UMAD1: variants seen among roughly 807,000 people sequenced by gnomAD.
UMAD1 encodes the protein UBAP1-MVB12-associated (UMA)-domain containing protein 1.
A neutral mutation model predicts 6.1 loss-of-function variants in UMAD1; 8 were observed. The ratio of observed to expected loss-of-function variants is 1.30; its 90% CI spans 0.76 to 2.35. The LOEUF (loss-of-function observed/expected upper bound fraction) is 2.35, where lower values mean the gene tolerates loss of function less well. Among genes scored for constraint, UMAD1 ranks in the 30% most tolerant of loss-of-function variants. The pLI is 0.00. For synonymous variants in UMAD1, 56 were observed against 31.4 expected, an observed-to-expected ratio of 1.78 and a Z score of -2.61; for missense variants, 130 against 78.4, an observed-to-expected ratio of 1.66 and a Z score of -2.49.
intron 2 of UMAD1, among the ~76,000 whole-genome samples, chr7:7,784,849 C>G (rs750763567): frequency 6.8e-6 from 1 of 147,934 alleles, no homozygotes; most frequent in Non-Finnish European, 1.5e-5. Flanking sequence ...GCAGGCTCCG[C>G]CCCCTGGGGT....
intron 3 of UMAD1, among the ~76,000 whole-genome samples, chr7:7,807,550 G>A (rs1375152046): frequency 6.6e-6 from 1 of 151,982 alleles, no homozygotes; most frequent in Non-Finnish European, 1.5e-5. Context: ...TCAAAACTGT[G>A]TTCTCCATTC....
At chr7:7,763,371 GACC>G (rs1479628207) in intron 2 of UMAD1, among the ~76,000 whole-genome samples, 1 of 152,042 alleles carries the variant, frequency 6.6e-6, no homozygotes, top group African/African-American at 2.4e-5. Context: ...CCTGGGTAGT[GACC>G]CTAGTACTCA....
At chr7:7,810,542 A>G (rs997235497) in intron 3 of UMAD1, among the ~76,000 whole-genome samples, 1 of 152,198 alleles carries the variant, frequency 6.6e-6, no homozygotes, top group African/African-American at 2.4e-5. Context: ...AATTGTATAT[A>G]CAGTATGATT....
intron 2 of UMAD1, among the ~76,000 whole-genome samples, chr7:7,767,010 G>C (rs1404907644): frequency 1.3e-5 from 2 of 151,816 alleles, no homozygotes; most frequent in African/African-American, 4.8e-5. Context: ...ATAAGCAACA[G>C]TTTCAAGTTC....
At chr7:7,732,012 A>G (rs1781269148) in intron 2 of UMAD1, among the ~76,000 whole-genome samples, 3 of 152,126 alleles carry the variant, frequency 2.0e-5, no homozygotes. Context: ...TATCTGAGAT[A>G]AATATTAATG....
At chr7:7,690,737 A>G (rs1214654830) in intron 2 of UMAD1, among the ~76,000 whole-genome samples, 2 of 152,186 alleles carry the variant, frequency 1.3e-5, no homozygotes, top group African/African-American at 2.4e-5. Flanking sequence ...GAGCTACCTT[A>G]TATGAGTTGC....
At chr7:7,802,363 C>T (rs75058896) in intron 3 of UMAD1, among the ~76,000 whole-genome samples, 2 of 139,488 alleles carry the variant, frequency 1.4e-5, no homozygotes, top group South Asian at 2.2e-4. Context: ...GGCGACAGAG[C>T]GAGACTCCGT....
intron 2 of UMAD1, among the ~76,000 whole-genome samples, chr7:7,789,861 C>G (rs938247706): frequency 3.9e-5 from 6 of 152,060 alleles, no homozygotes; most frequent in African/African-American, 1.4e-4. Flanking sequence ...TCAGTGAAGA[C>G]TAGGGTTGCT....
At chr7:7,801,105 A>T (rs1443597094) in intron 2 of UMAD1, among the ~76,000 whole-genome samples, 2 of 152,204 alleles carry the variant, frequency 1.3e-5, no homozygotes, top group Non-Finnish European at 1.5e-5. Flanking sequence ...TCATTTAGTA[A>T]TGTAACCCAG....
In UMAD1 at chr7:7,675,020, T is replaced by G. The variant is rs1261965889; in HGVS notation, c.82+1567T>G. ...TTTTTATTATATATGTATTTAAAAT[T>G]TTTTTTAAAATTATTTTTAAAGAAA... On this transcript the variant is annotated intron_variant, in intron 2 of 3. Coordinates refer to ENST00000682710, the MANE Select transcript of UMAD1 (RefSeq NM_001302348.2). Among the ~76,000 whole-genome samples the G allele has an allele frequency of 2.6e-5, 4 of 152,118 alleles. No homozygotes were observed. The South Asian group carries it at 6.2e-4, about 24-fold the overall frequency.
intron 1 of UMAD1, among the ~76,000 whole-genome samples, chr7:7,647,542 T>C (rs962353876): frequency 4.6e-5 from 7 of 152,228 alleles, no homozygotes; most frequent in African/African-American, 1.7e-4. Flanking sequence ...TCGATAAATA[T>C]GTGACATAGC....
At chr7:7,853,883 T>C (rs2115326456) in intron 3 of UMAD1, among the ~76,000 whole-genome samples, 1 of 152,330 alleles carries the variant, frequency 6.6e-6, no homozygotes, top group African/African-American at 2.4e-5. Context: ...CCTTGTCTTG[T>C]TCCTGGTCTT....
rs1010983141 is a variant in UMAD1 at position 7,692,087 on chromosome 7, C to T, written c.82+18634C>T. ...TTATTAACAGCTATTCCTCTTTACC[C>T]CTGGGGTTCCATTCTGTAAATGAAA... On this transcript the variant is annotated intron_variant, in intron 2 of 3. Coordinates refer to ENST00000682710, the MANE Select transcript of UMAD1 (RefSeq NM_001302348.2). 3.3e-5 allele frequency among the ~76,000 whole-genome samples: 5 copies of T among 152,176 alleles called. No individual in the cohort carries two copies. The East Asian group carries it at 5.8e-4, about 18-fold the overall frequency.
chr7:7,749,161 A>C (rs549430940), intron 2 of UMAD1, among the ~76,000 whole-genome samples: 2 of 152,344 alleles, frequency 1.3e-5, no homozygotes, highest in East Asian at 3.9e-4. Context: ...ATTCCATAAC[A>C]AATTCAATTT....
chr7:7,741,634 T>C (rs1487896458), intron 2 of UMAD1, among the ~76,000 whole-genome samples: 2 of 148,326 alleles, frequency 1.3e-5, no homozygotes, highest in Admixed American at 1.3e-4. Context: ...AAAAAAACAC[T>C]GTAATGTAAT....
At chr7:7,801,098 T>C (rs142201776) in intron 2 of UMAD1, among the ~76,000 whole-genome samples, 65 of 152,348 alleles carry the variant, frequency 4.3e-4, no homozygotes, top group African/African-American at 1.5e-3. Flanking sequence ...ACCAACTTCA[T>C]TTAGTAATGT....
At chr7:7,783,655 G>A (rs1782396654) in intron 2 of UMAD1, among the ~76,000 whole-genome samples, 1 of 152,214 alleles carries the variant, frequency 6.6e-6, no homozygotes, top group Admixed American at 6.5e-5. Flanking sequence ...GTAAACTGAT[G>A]TGCTTTCATT....
intron 1 of UMAD1, among the ~76,000 whole-genome samples, chr7:7,650,332 C>T (rs1035502109): frequency 1.7e-4 from 26 of 152,146 alleles, no homozygotes; most frequent in Admixed American, 2.6e-4. Context: ...GTTTGTTTTT[C>T]TGAGTGTTTA....
At chr7:7,868,258 A>G (rs959208450) in intron 3 of UMAD1, 1 of 152,148 alleles carries the variant, frequency 6.6e-6, no homozygotes, top group African/African-American at 2.4e-5. Flanking sequence ...CCTGCATTTA[A>G]CGCACTATTT....
Sources: gnomAD v4.1 joint callset for allele counts (sites outside exome capture counted in the v4.1 genomes callset) on GRCh38, gnomAD v4.1.1 for gene constraint, MANE v1.5 for transcripts, NCBI Gene and HGNC (gene_info 2026-07-23, HGNC 2026-07-21) for gene names.